The following HERC3 variants were observed in gnomAD, a reference collection of about 807,000 sequenced individuals.
The protein encoded by HERC3 is HECT and RLD domain containing E3 ubiquitin protein ligase 3, also known as probable E3 ubiquitin-protein ligase HERC3.
HERC3 carries 58 observed loss-of-function variants against 129.9 expected under a neutral mutation model. The ratio of observed to expected loss-of-function variants is 0.45; its 90% CI spans 0.36 to 0.56. The LOEUF (loss-of-function observed/expected upper bound fraction) is 0.56. Ranked by LOEUF, HERC3 falls within the 20% of genes least tolerant of loss-of-function variation. HERC3 has a pLI of 0.00. For synonymous variants in HERC3, 430 were observed against 451.0 expected, an observed-to-expected ratio of 0.95 and a Z score of 0.59; for missense variants, 835 against 1,244.2, an observed-to-expected ratio of 0.67 and a Z score of 4.95.
intron 3 of HERC3, among the ~76,000 whole-genome samples, chr4:88,641,399 G>T (rs1728074133): frequency 1.3e-5 from 2 of 152,066 alleles, no homozygotes; most frequent in South Asian, 4.1e-4. Flanking sequence ...TATGAAATGA[G>T]AAAAATATTA....
chr4:88,654,431 TAATGTAGATTATATAAA>T (rs1452506290), intron 7 of HERC3, among the ~76,000 whole-genome samples: 4 of 144,558 alleles, frequency 2.8e-5, no homozygotes, highest in African/African-American at 5.0e-5. Flanking sequence ...TACACACATA[TAATGTAGATTATATAAA>T]AATGTAGATT....
At chr4:88,599,778 G>T (rs2149177919) in intron 2 of HERC3, among the ~76,000 whole-genome samples, 1 of 152,316 alleles carries the variant, frequency 6.6e-6, no homozygotes, top group East Asian at 1.9e-4. Context: ...AATTGGTTGG[G>T]TGAATTTAGT....
intron 3 of HERC3, among the ~76,000 whole-genome samples, chr4:88,639,982 A>G (rs1362127756): frequency 1.3e-5 from 2 of 152,236 alleles, no homozygotes; most frequent in African/African-American, 4.8e-5. Context: ...AAAAAAGCTC[A>G]ACATTGCTGA....
At chr4:88,566,659 C>T in the HERC3 span, among the ~76,000 whole-genome samples, 4 of 152,222 alleles carry the variant, frequency 2.6e-5, no homozygotes, top group African/African-American at 4.8e-5. Context: ...CTCCCTTTAA[C>T]ATTTCTTGTA....
Position 88,669,966 on chromosome 4 carries a change from C to T in HERC3, c.1740C>T (p.Pro580=), listed in dbSNP as rs371593522. Residue 580 remains proline, a synonymous_variant, in exon 15 of 26, where the codon CCC becomes CCT. Transcript: ENST00000402738. The part of the protein sequence containing the change: ...LLRGRKTFLI[P]VLFNNYITAA... Reference sequence around the variant, plus strand: ...GGGGAAGAAAGACATTCTTAATTCCCGTACTGTTTAACAATTATATCACAG... The same window carrying T: ...GGGGAAGAAAGACATTCTTAATTCCTGTACTGTTTAACAATTATATCACAG... 1.2e-4 allele frequency: 191 copies of T among 1,613,708 alleles called. No homozygotes were observed. Among genetic ancestry groups the T allele is most frequent in the Non-Finnish European group, 1.5e-4 (181 of 1,179,768 alleles).
the HERC3 span, among the ~76,000 whole-genome samples, chr4:88,546,088 C>T: frequency 2.4e-3 from 372 of 152,208 alleles, 2 homozygotes; most frequent in African/African-American, 8.7e-3. Flanking sequence ...TGTGTTTATG[C>T]TATTAGGTTG....
the HERC3 span, among the ~76,000 whole-genome samples, chr4:88,553,482 A>T: frequency 6.6e-6 from 1 of 152,192 alleles, no homozygotes; most frequent in African/African-American, 2.4e-5. Flanking sequence ...ATTTTTCTCA[A>T]GGATACTGAC....
At chr4:88,688,075 T>A in intron 23 of HERC3, among the ~76,000 whole-genome samples, 1 of 152,198 alleles carries the variant, frequency 6.6e-6, no homozygotes, top group Non-Finnish European at 1.5e-5. Flanking sequence ...ATGGAATAAT[T>A]GCAATAGAAT....
the HERC3 span, among the ~76,000 whole-genome samples, chr4:88,565,788 A>G: frequency 6.6e-6 from 1 of 152,160 alleles, no homozygotes; most frequent in Non-Finnish European, 1.5e-5. Context: ...TGCCCAGGCA[A>G]ACAAAAGCTG....
At chr4:88,524,113 T>G in the HERC3 span, among the ~76,000 whole-genome samples, 6 of 152,238 alleles carry the variant, frequency 3.9e-5, no homozygotes, top group Non-Finnish European at 2.9e-5. Context: ...CACACTGTTA[T>G]GTATTGTACC....
intron 23 of HERC3, among the ~76,000 whole-genome samples, chr4:88,688,910 G>A (rs1733763742): frequency 1.3e-5 from 2 of 152,028 alleles, no homozygotes; most frequent in African/African-American, 4.8e-5. Context: ...ACATAGGCTA[G>A]CATTGAAACT....
rs1722275575 is a variant in HERC3, at chr4:88,595,568, G to T, written c.-76G>T. 1 of 152,242 alleles carries T rather than the reference G, an allele frequency of 6.6e-6. No homozygotes were observed. The highest frequency in any genetic ancestry group is 1.5e-5 in the Non-Finnish European group (1 of 68,046). 9.4% of individuals were successfully genotyped at this position (152,242 alleles called of 1,614,324 possible). A position where few individuals can be genotyped will look rare whatever the true frequency, so the allele number is the denominator to read the frequency against. On this transcript the variant is annotated 5_prime_UTR_variant, in exon 2 of 26. Coordinates refer to ENST00000402738, the MANE Select transcript of HERC3 (RefSeq NM_014606.3). ...TCTTTAACTTGCAGAACTGCAAGGT[G>T]TGGAATATTTCTGGCTTCTAGTCCA...
At chr4:88,566,414 C>CG in the HERC3 span, among the ~76,000 whole-genome samples, 4 of 152,104 alleles carry the variant, frequency 2.6e-5, no homozygotes, top group African/African-American at 9.6e-5. Context: ...CTTCCTTCCC[C>CG]CCTTTGCTTT....
Position 88,708,062 on chromosome 4 carries a change from ATT to A in HERC3, c.*1109_*1110del, listed in dbSNP as rs540198032. The A allele has an allele frequency of 6.6e-6, 1 of 151,500 alleles. No homozygotes were observed. The highest frequency in any genetic ancestry group is 2.1e-4 in the South Asian group (1 of 4,796). 9.4% of individuals were successfully genotyped at this position (151,500 alleles called of 1,614,324 possible). ...TTTAAATTGCAAAATTTTTACTCAG[ATT>A]TTTTTTCCTCTTCCCTAATTGCTAA... On this transcript the variant is annotated 3_prime_UTR_variant, in exon 26 of 26. Transcript: ENST00000402738.
intron 7 of HERC3, among the ~76,000 whole-genome samples, chr4:88,654,701 T>C (rs1467238766): frequency 6.6e-6 from 1 of 151,836 alleles, no homozygotes; most frequent in South Asian, 2.1e-4. Flanking sequence ...AGAATGAAAA[T>C]GTATTTTTAT....
chr4:88,583,219 C>T, the HERC3 span, among the ~76,000 whole-genome samples: 678 of 152,150 alleles, frequency 4.5e-3, 13 homozygotes, highest in African/African-American at 0.015. Context: ...GGGTGGATCA[C>T]GAGGTCAGGA....
chr4:88,611,245 G>A (rs148752573), intron 3 of HERC3, among the ~76,000 whole-genome samples: 11 of 152,314 alleles, frequency 7.2e-5, no homozygotes, highest in African/African-American at 2.4e-4. Context: ...TTCGTTGGTA[G>A]GTGTGTTCTA....
chr4:88,605,659 GTTTTA>G, intron 2 of HERC3, 131 bp from the exon 3 acceptor site: 2 of 554,938 alleles, frequency 3.6e-6, no homozygotes, highest in East Asian at 3.0e-5. Context: ...GTATTAATAT[GTTTTA>G]TTTTGAGTTG....
Position 88,681,140 on chromosome 4 carries a change from T to C in HERC3, c.2341-19T>C. 1 of 1,586,918 alleles carries C rather than the reference T, an allele frequency of 6.3e-7. No individual in the cohort carries two copies. Among genetic ancestry groups the C allele is most frequent in the African/African-American group, 1.4e-5 (1 of 73,850 alleles). The stretch of plus-strand genomic sequence containing the variant: ...AACATTGCATTTCTTTTTAACACAT[T>C]TGTATGTGTCCTAAAAAGTGTTTTG... On this transcript the variant is annotated intron_variant, in intron 20 of 25. Transcript: ENST00000402738.
Sources: gnomAD v4.1 joint callset for allele counts (sites outside exome capture counted in the v4.1 genomes callset) on GRCh38, gnomAD v4.1.1 for gene constraint, MANE v1.5 for transcripts, NCBI Gene and HGNC (gene_info 2026-07-23, HGNC 2026-07-21) for gene names.